TFG: variants seen among roughly 807,000 people sequenced by gnomAD.
TFG encodes the protein protein TFG.
A neutral mutation model predicts 51.4 loss-of-function variants in TFG; 22 were observed. That is an observed-to-expected ratio of 0.43 (90% CI 0.31 to 0.61). The LOEUF is 0.61. Among genes scored for constraint, TFG ranks in the 20% least tolerant of loss-of-function variants. The probability of loss-of-function intolerance (pLI) is 0.12; values close to 1 mark genes in which losing one functional copy is unlikely to be tolerated. For missense variants in TFG, 419 were observed against 487.7 expected, an observed-to-expected ratio of 0.86 and a Z score of 1.33; for synonymous variants, 187 against 165.6, an observed-to-expected ratio of 1.13 and a Z score of -0.99.
intron 3 of TFG, among the ~76,000 whole-genome samples, chr3:100,725,326 A>T (rs9859730): frequency 0.03 from 4,531 of 152,240 alleles, 185 homozygotes; most frequent in African/African-American, 0.092. Context: ...ACAACAAAAG[A>T]TACTTGGGAT....
intron 5 of TFG, 149 bp downstream of exon 5, chr3:100,732,821 A>T (rs2095095594): frequency 1.6e-6 from 1 of 611,806 alleles, no homozygotes; most frequent in Non-Finnish European, 2.8e-6. Context: ...ACATATGTGT[A>T]CACTTATGTA....
chr3:100,736,518 G>A (rs2095106709), intron 5 of TFG, 58 bp from the exon 6 acceptor site: 7 of 1,582,242 alleles, frequency 4.4e-6, no homozygotes, highest in Non-Finnish European at 5.2e-6. Flanking sequence ...TATTCCTTGA[G>A]CTTGCTGGGG....
rs1253813538 is a variant in TFG, at chr3:100,748,588, C to T, written c.*57C>T. 1 of 1,494,900 alleles carries T rather than the reference C, an allele frequency of 6.7e-7. No homozygotes were observed. The highest frequency in any genetic ancestry group is 9.0e-7 in the Non-Finnish European group (1 of 1,115,138). 92.6% of individuals were successfully genotyped at this position (1,494,900 alleles called of 1,614,324 possible). ...CTAGCTATTGGCCTCCCAAAAGACT[C>T]CAGTACTATTTTAATTTGTATTGAA... On this transcript the variant is annotated 3_prime_UTR_variant, in exon 8 of 8. Transcript: ENST00000240851.
intron 6 of TFG, among the ~76,000 whole-genome samples, chr3:100,741,839 C>T (rs1157778395): frequency 2.0e-5 from 3 of 152,076 alleles, no homozygotes; most frequent in African/African-American, 7.2e-5. Flanking sequence ...TTAGAATTGC[C>T]TAAGTATTCA....
chr3:100,746,683 A>T (rs1381996887), intron 7 of TFG, among the ~76,000 whole-genome samples: 1 of 152,122 alleles, frequency 6.6e-6, no homozygotes, highest in East Asian at 1.9e-4. Flanking sequence ...CTGCTAATGA[A>T]ATCTTCAGCC....
At chr3:100,741,811 A>G (rs1173242005) in intron 6 of TFG, among the ~76,000 whole-genome samples, 1 of 152,184 alleles carries the variant, frequency 6.6e-6, no homozygotes, top group Non-Finnish European at 1.5e-5. Context: ...GTTTAGATAC[A>G]CAAATAATTA....
intron 2 of TFG, among the ~76,000 whole-genome samples, chr3:100,714,481 C>G (rs1001429787): frequency 6.6e-6 from 1 of 150,652 alleles, no homozygotes; most frequent in Non-Finnish European, 1.5e-5. Context: ...GCCTGGGTGA[C>G]ACAGCAAGAC....
At chr3:100,714,384 C>G (rs1039489221) in intron 2 of TFG, among the ~76,000 whole-genome samples, 6 of 151,840 alleles carry the variant, frequency 4.0e-5, no homozygotes, top group Admixed American at 2.0e-4. Context: ...GCCTGTAATC[C>G]CAACTACTCG....
chr3:100,725,286 A>G (rs112148271), intron 3 of TFG, among the ~76,000 whole-genome samples: 4,011 of 152,250 alleles, frequency 0.026, 176 homozygotes, highest in African/African-American at 0.091. Flanking sequence ...AGGATTATAA[A>G]TGTAACTAAA....
chr3:100,715,593 A>C (rs926546660), intron 2 of TFG, among the ~76,000 whole-genome samples: 3 of 152,248 alleles, frequency 2.0e-5, no homozygotes, highest in Non-Finnish European at 4.4e-5. Flanking sequence ...AAGAATACCC[A>C]AAACAAATTT....
chr3:100,733,440 T>C (rs1376278347), intron 5 of TFG, among the ~76,000 whole-genome samples: 1 of 152,246 alleles, frequency 6.6e-6, no homozygotes, highest in Non-Finnish European at 1.5e-5. Flanking sequence ...GTTTCTGTTT[T>C]TCTGTTGAGA....
At chr3:100,741,169 T>TA (rs768204691) in intron 6 of TFG, among the ~76,000 whole-genome samples, 37 of 151,310 alleles carry the variant, frequency 2.4e-4, no homozygotes, top group African/African-American at 6.1e-4. Context: ...CCTACTTATT[T>TA]AAAAAAAAAC....
At position 100,728,818 on chromosome 3, in the gene TFG, A is replaced by G; in HGVS notation, c.375A>G (p.Pro125=). The change falls in exon 4 of 8, where the codon CCA becomes CCG. Residue 125 remains proline (P), a synonymous_variant. Coordinates refer to ENST00000240851, the MANE Select transcript of TFG (RefSeq NM_006070.6). ...KVNRLLDSLE[P]PGEPGPSTNI... ...ATCGTTTATTGGATAGCTTGGAACC[A>G]CCTGGAGAACCAGGACCTTCCACCA... 1 of 1,610,014 alleles carries G rather than the reference A, an allele frequency of 6.2e-7. No individual in the cohort carries two copies. Among genetic ancestry groups the G allele is most frequent in the Non-Finnish European group, 8.5e-7 (1 of 1,178,110 alleles).
rs79631225 is a variant in TFG at position 100,719,965 on chromosome 3, T to A, written c.185-10T>A. The A allele has an allele frequency of 3.6e-5, 53 of 1,466,952 alleles. No homozygotes were observed. Among genetic ancestry groups the A allele is most frequent in the East Asian group, 9.4e-5 (4 of 42,560 alleles). The allele number at this position is 1,466,952 out of a possible 1,614,324, so 90.9% of individuals were successfully genotyped here. A position where few individuals can be genotyped will look rare whatever the true frequency, so the allele number is the denominator to read the frequency against. On this transcript the variant is annotated splice_polypyrimidine_tract_variant and intron_variant, in intron 2 of 7. Transcript: ENST00000240851. ...ATTAAAAAACAACCTTTTTTTTTTT[T>A]AAATTCCAGATGGAGATCTTATAAC...
chr3:100,746,490 G>A (rs1243895361), intron 7 of TFG, among the ~76,000 whole-genome samples: 1 of 151,792 alleles, frequency 6.6e-6, no homozygotes, highest in Non-Finnish European at 1.5e-5. Context: ...CTCCATAAAA[G>A]GCTAGATGTC....
At chr3:100,729,737 G>A (rs1212687305) in intron 4 of TFG, among the ~76,000 whole-genome samples, 2 of 151,994 alleles carry the variant, frequency 1.3e-5, no homozygotes, top group Non-Finnish European at 2.9e-5. Context: ...TGGATAAATG[G>A]TATGTATTCT....
At chr3:100,745,916 T>TAA (rs2095133641) in intron 7 of TFG, among the ~76,000 whole-genome samples, 1 of 152,330 alleles carries the variant, frequency 6.6e-6, no homozygotes, top group East Asian at 1.9e-4. Context: ...CCACAAAGCC[T>TAA]AAACTATTTA....
chr3:100,724,857 C>T (rs1444461430), intron 3 of TFG, among the ~76,000 whole-genome samples: 1 of 152,078 alleles, frequency 6.6e-6, no homozygotes, highest in Non-Finnish European at 1.5e-5. Context: ...AAAGAAAAGC[C>T]ATTCATATCT....
chr3:100,723,364 G>A (rs1261774595), intron 3 of TFG, among the ~76,000 whole-genome samples: 2 of 152,118 alleles, frequency 1.3e-5, no homozygotes, highest in African/African-American at 2.4e-5. Flanking sequence ...TCAGTAGAAA[G>A]TGGTGGCGGA....
Sources: allele counts gnomAD v4.1 joint callset (sites outside exome capture counted in the v4.1 genomes callset), GRCh38; gene constraint gnomAD v4.1.1; transcripts MANE v1.5; gene names NCBI Gene and HGNC (gene_info 2026-07-23, HGNC 2026-07-21).